Variants in SBK2 observed in about 807,000 individuals in gnomAD.
SBK2 encodes SH3 domain binding kinase family member 2.
SBK2 carries 18 observed loss-of-function variants against 15.9 expected under a neutral mutation model. That is an observed-to-expected ratio of 1.13 (90% CI 0.78 to 1.68). SBK2 has a LOEUF of 1.68. Ranked by LOEUF, SBK2 falls within the 40% of genes most tolerant of loss-of-function variation. The pLI, the probability that SBK2 is intolerant of heterozygous loss-of-function variation, is 0.00. For synonymous variants in SBK2, 284 were observed against 246.8 expected, an observed-to-expected ratio of 1.15 and a Z score of -1.41; for missense variants, 581 against 510.9, an observed-to-expected ratio of 1.14 and a Z score of -1.32.
chr19:55,529,861 G>GC lies in SBK2; in HGVS notation c.918dup (p.Leu307AlafsTer192). On this transcript the variant is annotated frameshift_variant, in exon 4 of 4. Coordinates refer to ENST00000413299, the MANE Select transcript of SBK2 (RefSeq NM_001370096.2). LOFTEE classifies it low-confidence loss of function (END_TRUNC). The stretch of plus-strand genomic sequence containing the variant: ...CTCCTTCGGGGGTGAGGGTCCAGCA[G>GC]CCCCCGCAGAAGCGCGTCGGCCGCG... The GC allele has an allele frequency of 6.2e-7, 1 of 1,600,892 alleles. No homozygotes were observed.
chr19:55,533,919 C>G (rs1988335725), intron 2 of SBK2, among the ~76,000 whole-genome samples: 3 of 152,042 alleles, frequency 2.0e-5, no homozygotes, highest in Admixed American at 6.6e-5. Flanking sequence ...AGCCCAGGGG[C>G]AGGTGTGCTG....
intron 1 of SBK2, among the ~76,000 whole-genome samples, chr19:55,536,507 CG>C (rs1487960219): frequency 2.6e-5 from 4 of 151,726 alleles, no homozygotes; most frequent in Middle Eastern, 3.4e-3. Context: ...CGCGTGCCGC[CG>C]CCGCCACCCG....
rs1364680244 is a variant in SBK2, at chr19:55,530,124, G to A, written c.656C>T (p.Pro219Leu). 2.7e-6 allele frequency: 4 copies of A among 1,461,118 alleles called. No individual in the cohort carries two copies. The highest frequency in any genetic ancestry group is 3.6e-6 in the Non-Finnish European group (4 of 1,110,796). 90.5% of individuals were successfully genotyped at this position (1,461,118 alleles called of 1,614,324 possible). Reference sequence around the variant, plus strand: ...CTCGGGGGCCGTGTAGGGGATGGGCGGCCCGGCCAGGCGCAGCAGCGTCCC... The same window carrying A: ...CTCGGGGGCCGTGTAGGGGATGGGCAGCCCGGCCAGGCGCAGCAGCGTCCC... ...PRGTLLRLAGPPIPYTAPELC... is the reference protein window; with the variant it reads ...PRGTLLRLAGLPIPYTAPELC... The change falls in exon 4 of 4, where the codon CCG (proline) becomes CTG (leucine). Residue 219 changes from proline to leucine, a missense_variant. Pro to Leu is a moderately conservative substitution (Grantham distance 98). Coordinates refer to ENST00000413299, the MANE Select transcript of SBK2 (RefSeq NM_001370096.2).
At position 55,529,915 on chromosome 19, in the gene SBK2, G is replaced by C; in HGVS notation, c.865C>G (p.Arg289Gly). ...IWQASGQPRD[R>G]PQPWFGLAAA... ...GCCAGGCCGAACCAGGGCTGAGGGC[G>C]GTCCCGGGGCTGGCCCGACGCCTGC... Residue 289 changes from arginine to glycine, a missense_variant, in exon 4 of 4, where the codon CGC (arginine) becomes GGC (glycine). Coordinates refer to ENST00000413299, the MANE Select transcript of SBK2 (RefSeq NM_001370096.2). 1 of 1,543,666 alleles carries C rather than the reference G, an allele frequency of 6.5e-7. No individual in the cohort carries two copies. Among genetic ancestry groups the C allele is most frequent in the South Asian group, 1.2e-5 (1 of 82,966 alleles).
At chr19:55,534,737 A>G (rs924648870) in intron 2 of SBK2, among the ~76,000 whole-genome samples, 3 of 136,390 alleles carry the variant, frequency 2.2e-5, no homozygotes, top group African/African-American at 8.3e-5. Flanking sequence ...AAAAGAAAAG[A>G]AAAAAGGCCA....
At chr19:55,535,529 C>A (rs983326621) in intron 2 of SBK2, among the ~76,000 whole-genome samples, 2 of 152,192 alleles carry the variant, frequency 1.3e-5, no homozygotes, top group Non-Finnish European at 2.9e-5. Flanking sequence ...CCCACATTTT[C>A]CAAAGGAGGA....
Position 55,531,269 on chromosome 19 carries a change from C to A in SBK2, c.330G>T (p.Gly110=). ...LRGFLYEFCV[G]LSLGAHSAIV... ...TGGCTGAGTGCGCGCCCAGCGAGAGCCCCACACAGAACTCGTACAGGAAGC... is the reference window on the plus strand; with the variant it reads ...TGGCTGAGTGCGCGCCCAGCGAGAGACCCACACAGAACTCGTACAGGAAGC... Residue 110 remains glycine (G), a synonymous_variant, in exon 3 of 4, where the codon GGG becomes GGT. Transcript: ENST00000413299. The A allele has an allele frequency of 6.2e-7, 1 of 1,613,606 alleles. No individual in the cohort carries two copies. The highest frequency in any genetic ancestry group is 8.5e-7 in the Non-Finnish European group (1 of 1,179,888).
chr19:55,536,971 T>A (rs1988425218), intron 1 of SBK2, 83 bp downstream of exon 1: 1 of 152,632 alleles, frequency 6.6e-6, no homozygotes, highest in Non-Finnish European at 1.5e-5. Context: ...GGCCACCTGG[T>A]ACAGTCACCC....
chr19:55,535,968 C>A, intron 2 of SBK2, 74 bp downstream of exon 2: 6 of 1,361,864 alleles, frequency 4.4e-6, no homozygotes, highest in Non-Finnish European at 3.8e-6. Flanking sequence ...GCCAGCCTCC[C>A]CAGCCTGGGC....
chr19:55,530,173 C>A lies in SBK2; in HGVS notation c.607G>T (p.Asp203Tyr), dbSNP rs540306198. ...CCGCGAGGCCTCGTGTGGCCGAAGT[C>A]GGTCAGCTTGAAGCGCCGGCAGGCC... is the stretch of plus-strand genomic sequence containing the variant. Reference protein sequence around the residue: ...DPACRRFKLTDFGHTRPRGTL... With the variant: ...DPACRRFKLTYFGHTRPRGTL... Residue 203 changes from aspartate (D) to tyrosine (Y), a missense_variant, in exon 4 of 4, where the codon GAC becomes TAC. Transcript: ENST00000413299. 5 of 1,527,612 alleles carry A rather than the reference C, an allele frequency of 3.3e-6. No individual in the cohort carries two copies. The Admixed American group carries it at 6.2e-5, about 19-fold the overall frequency. 94.6% of individuals were successfully genotyped at this position (1,527,612 alleles called of 1,614,324 possible).
chr19:55,529,648 A>G lies in SBK2; in HGVS notation c.*85T>C. 1 of 1,501,506 alleles carries G rather than the reference A, an allele frequency of 6.7e-7. No homozygotes were observed. The highest frequency in any genetic ancestry group is 8.8e-7 in the Non-Finnish European group (1 of 1,130,458). The allele number at this position is 1,501,506 out of a possible 1,614,324, so 93.0% of individuals were successfully genotyped here. A position where few individuals can be genotyped will look rare whatever the true frequency, so the allele number is the denominator to read the frequency against. Reference sequence around the variant, plus strand: ...GGGGAATCCCAAGCCCCATGGATGAAAACACACCGAGGAGACACCAAAAGC... The same window carrying G: ...GGGGAATCCCAAGCCCCATGGATGAGAACACACCGAGGAGACACCAAAAGC... On this transcript the variant is annotated 3_prime_UTR_variant, in exon 4 of 4. Transcript: ENST00000413299.
chr19:55,535,035 A>AG (rs1343955353), intron 2 of SBK2, among the ~76,000 whole-genome samples: 1 of 152,086 alleles, frequency 6.6e-6, no homozygotes, highest in Non-Finnish European at 1.5e-5. Context: ...AAAAAAAAAA[A>AG]AGAAAGAAAA....
chr19:55,534,521 C>T (rs1206161765), intron 2 of SBK2, among the ~76,000 whole-genome samples: 2 of 148,116 alleles, frequency 1.4e-5, no homozygotes, highest in Admixed American at 6.8e-5. Flanking sequence ...GCCTGGGCAA[C>T]ACAGTGAGAC....
At chr19:55,531,069 C>T (rs1988244583) in intron 3 of SBK2, 74 bp downstream of exon 3, 3 of 1,401,854 alleles carry the variant, frequency 2.1e-6, no homozygotes, top group South Asian at 2.3e-5. Context: ...GTGGCTCCTG[C>T]GGCCCAGGCT....
rs943411462 is a variant in SBK2 at position 55,529,390 on chromosome 19, T to G, written c.*343A>C. Among the ~76,000 whole-genome samples the G allele has an allele frequency of 3.3e-5, 5 of 151,990 alleles. No individual in the cohort carries two copies. The highest frequency in any genetic ancestry group is 1.2e-4 in the African/African-American group (5 of 41,382). ...CAGCCTGGGAGACAGAGCGAGACCC[T>G]GTCTCAAAAAAAATAAAAATGCGAG... On this transcript the variant is annotated 3_prime_UTR_variant, in exon 4 of 4. Coordinates refer to ENST00000413299, the MANE Select transcript of SBK2 (RefSeq NM_001370096.2).
At chr19:55,534,012 C>T (rs969648583) in intron 2 of SBK2, among the ~76,000 whole-genome samples, 11 of 152,174 alleles carry the variant, frequency 7.2e-5, no homozygotes, top group East Asian at 1.9e-4. Flanking sequence ...CTCATGCCTC[C>T]GGCTTTGTGA....
chr19:55,536,136 C>G lies in SBK2; in HGVS notation c.159G>C (p.Leu53=). The G allele has an allele frequency of 3.2e-6, 5 of 1,582,334 alleles. No homozygotes were observed. The highest frequency in any genetic ancestry group is 4.3e-6 in the Non-Finnish European group (5 of 1,164,078). ...AGAGCTCGTCCACCTCGGCTCGGACCAGGGTCTGAGCACTCAGCGTCATCA... is the reference window on the plus strand; with the variant it reads ...AGAGCTCGTCCACCTCGGCTCGGACGAGGGTCTGAGCACTCAGCGTCATCA... ...EDMMTLSAQT[L]VRAEVDELYE... Residue 53 remains leucine (L), a synonymous_variant, in exon 2 of 4, where the codon CTG becomes CTC. Transcript: ENST00000413299.
intron 1 of SBK2, 21 bp from the exon 2 acceptor site, chr19:55,536,317 G>T (rs750336374): frequency 6.9e-7 from 1 of 1,459,064 alleles, no homozygotes; most frequent in South Asian, 1.4e-5. Flanking sequence ...AGAGAGGGGT[G>T]CCCAGGCTCA....
intron 3 of SBK2, among the ~76,000 whole-genome samples, chr19:55,530,908 TG>T (rs1257908184): frequency 4.6e-5 from 7 of 152,140 alleles, no homozygotes; most frequent in Non-Finnish European, 5.9e-5. Flanking sequence ...CAGTGTGACC[TG>T]GGGCTGCCTG....
Sources: allele counts gnomAD v4.1 joint callset (sites outside exome capture counted in the v4.1 genomes callset), GRCh38; gene constraint gnomAD v4.1.1; transcripts MANE v1.5; gene names NCBI Gene and HGNC (gene_info 2026-07-23, HGNC 2026-07-21).